THSD7B: variants seen among roughly 807,000 people sequenced by gnomAD.
THSD7B encodes thrombospondin type 1 domain containing 7B.
A neutral mutation model predicts 213.6 loss-of-function variants in THSD7B; 138 were observed. The observed-to-expected ratio is 0.65, with a 90% CI of 0.56 to 0.74. The LOEUF is 0.74. Among genes scored for constraint, THSD7B ranks in the 30% least tolerant of loss-of-function variants. The pLI, the probability that THSD7B is intolerant of heterozygous loss-of-function variation, is 0.00. For missense variants in THSD7B, 1,931 were observed against 1,991.5 expected, an observed-to-expected ratio of 0.97 and a Z score of 0.58; for synonymous variants, 742 against 687.0, an observed-to-expected ratio of 1.08 and a Z score of -1.25.
chr2:136,984,650 G>A (rs966631278), intron 2 of THSD7B, among the ~76,000 whole-genome samples: 11 of 152,148 alleles, frequency 7.2e-5, no homozygotes, highest in African/African-American at 2.7e-4. Flanking sequence ...CACAAAGAAT[G>A]GCCTAATAGA....
At chr2:137,600,246 G>C (rs1412940041) in intron 17 of THSD7B, among the ~76,000 whole-genome samples, 3 of 152,108 alleles carry the variant, frequency 2.0e-5, no homozygotes, top group African/African-American at 4.8e-5. Flanking sequence ...TGAGCATTCA[G>C]CTTTGGAAAC....
chr2:137,560,695 A>G (rs922570367), intron 15 of THSD7B, among the ~76,000 whole-genome samples: 27 of 152,104 alleles, frequency 1.8e-4, no homozygotes, highest in Admixed American at 1.2e-3. Flanking sequence ...CATGTACCCT[A>G]GAACTTAAGG....
intron 15 of THSD7B, among the ~76,000 whole-genome samples, chr2:137,493,595 G>A (rs781567336): frequency 1.3e-5 from 2 of 152,140 alleles, no homozygotes; most frequent in Admixed American, 6.5e-5. Context: ...AATGCCTGGT[G>A]GTAAAGGTTA....
At chr2:137,184,656 G>A (rs995289689) in intron 7 of THSD7B, among the ~76,000 whole-genome samples, 3 of 151,992 alleles carry the variant, frequency 2.0e-5, no homozygotes, top group African/African-American at 7.2e-5. Context: ...TGTCTATATT[G>A]TCTATATGTC....
At chr2:137,086,727 G>A (rs909479803) in intron 3 of THSD7B, among the ~76,000 whole-genome samples, 2 of 152,200 alleles carry the variant, frequency 1.3e-5, no homozygotes, top group Non-Finnish European at 2.9e-5. Context: ...AGTCATTAAT[G>A]ATGTGAGAGG....
intron 2 of THSD7B, among the ~76,000 whole-genome samples, chr2:137,000,820 AT>A (rs1685986357): frequency 6.6e-6 from 1 of 152,036 alleles, no homozygotes; most frequent in East Asian, 1.9e-4. Context: ...AGATGTTTTT[AT>A]TTTATTTTTT....
intron 12 of THSD7B, among the ~76,000 whole-genome samples, chr2:137,301,875 A>G (rs1035302316): frequency 2.6e-5 from 4 of 152,116 alleles, no homozygotes; most frequent in Non-Finnish European, 5.9e-5. Context: ...ATTTTTACTC[A>G]GTGAAATGGA....
intron 2 of THSD7B, among the ~76,000 whole-genome samples, chr2:136,982,781 T>A (rs758478715): frequency 2.0e-5 from 3 of 152,208 alleles, no homozygotes; most frequent in Non-Finnish European, 2.9e-5. Context: ...TTTCAGACTT[T>A]TGATTAAGGC....
intron 15 of THSD7B, among the ~76,000 whole-genome samples, chr2:137,511,069 A>G (rs1679953474): frequency 1.3e-5 from 2 of 152,168 alleles, no homozygotes; most frequent in Admixed American, 1.3e-4. Flanking sequence ...GGAATGCTTA[A>G]TAGTGTGTCA....
At chr2:137,310,718 C>T (rs1384826009) in intron 12 of THSD7B, among the ~76,000 whole-genome samples, 7 of 152,082 alleles carry the variant, frequency 4.6e-5, no homozygotes, top group Admixed American at 2.6e-4. Flanking sequence ...CAGCTTTCTA[C>T]ATATGGCTAG....
intron 1 of THSD7B, among the ~76,000 whole-genome samples, chr2:136,784,569 G>GAAGT (rs57771573): frequency 0.72 from 108,670 of 151,694 alleles, 39,263 homozygotes; most frequent in East Asian, 0.98. Flanking sequence ...CTTCATGAAG[G>GAAGT]ATTATAAAAT....
chr2:137,411,780 G>T lies in THSD7B; in HGVS notation c.2867G>T (p.Ser956Ile). 1 of 1,613,950 alleles carries T rather than the reference G, an allele frequency of 6.2e-7. No homozygotes were observed. Among genetic ancestry groups the T allele is most frequent in the South Asian group, 1.1e-5 (1 of 91,088 alleles). Residue 956 changes from serine (S) to isoleucine (I), a missense_variant, in exon 14 of 28, where the codon AGC (serine) becomes ATC (isoleucine). Ser to Ile is a moderately radical substitution (Grantham distance 142, BLOSUM62 -2). Coordinates refer to ENST00000409968, the MANE Select transcript of THSD7B (RefSeq NM_001316349.2). ...PHRGLRVQAD[S>I]KECGEGLRFR... ...CGAGGACTGCGGGTACAAGCAGACAGCAAAGAATGTGGAGAAGGCCTGCGC... is the reference window on the plus strand; with the variant it reads ...CGAGGACTGCGGGTACAAGCAGACATCAAAGAATGTGGAGAAGGCCTGCGC...
rs80150345 is a variant in THSD7B at position 137,348,703 on chromosome 2, C to CTTTTTTTTTTTTTTTTTTTTT, written c.2501-56909_2501-56889dup. The stretch of plus-strand genomic sequence containing the variant: ...TTCTTTATCCTATCTCTATGAACTC[C>CTTTTTTTTTTTTTTTTTTTTT]TTTTTTTTTTTTTTTTTTTTTGTTC... On this transcript the variant is annotated intron_variant, in intron 12 of 27. Coordinates refer to ENST00000409968, the MANE Select transcript of THSD7B (RefSeq NM_001316349.2). 1.3e-4 allele frequency among the ~76,000 whole-genome samples: 14 copies of CTTTTTTTTTTTTTTTTTTTTT among 110,904 alleles called. 1 individual carries two copies. The highest frequency in any genetic ancestry group is 2.2e-4 in the Non-Finnish European group (12 of 54,462). The allele number at this position is 110,904 out of a possible 152,430, so 72.8% of individuals were successfully genotyped here.
chr2:137,035,359 A>C (rs781508746), intron 2 of THSD7B, among the ~76,000 whole-genome samples: 10 of 152,150 alleles, frequency 6.6e-5, no homozygotes, highest in Non-Finnish European at 1.3e-4. Context: ...TCCTTTTTGC[A>C]ATGCAGTTTT....
intron 15 of THSD7B, chr2:137,512,066 A>T (rs559490979): frequency 7.2e-5 from 11 of 152,068 alleles, no homozygotes; most frequent in African/African-American, 2.4e-4. Flanking sequence ...CCTGCCTTTT[A>T]TCTTCTTTTG....
chr2:137,148,830 G>T (rs1202562103), intron 5 of THSD7B, among the ~76,000 whole-genome samples: 1 of 152,182 alleles, frequency 6.6e-6, no homozygotes, highest in Non-Finnish European at 1.5e-5. Flanking sequence ...TGGAAAACTT[G>T]CAGCCTGACG....
At chr2:137,298,667 C>T (rs1400329103) in intron 12 of THSD7B, among the ~76,000 whole-genome samples, 1 of 152,172 alleles carries the variant, frequency 6.6e-6, no homozygotes, top group Non-Finnish European at 1.5e-5. Flanking sequence ...GTCCCAGCCA[C>T]TCCAGTCATG....
chr2:137,365,085 C>G (rs180881414), intron 12 of THSD7B, among the ~76,000 whole-genome samples: 1 of 152,134 alleles, frequency 6.6e-6, no homozygotes, highest in African/African-American at 2.4e-5. Context: ...GAAATAACAC[C>G]ACACACCTAC....
Position 137,428,102 on chromosome 2 carries a change from CAAAT to C in THSD7B, c.2959+16234_2959+16237del, listed in dbSNP as rs558518588. ...TATATAAATAATTCTTACAAGACAA[CAAAT>C]AAAAGGTATTTGTCCTTTTATTCTT... On this transcript the variant is annotated intron_variant, in intron 14 of 27. Transcript: ENST00000409968. Among the ~76,000 whole-genome samples, 24 of 152,054 alleles carry C rather than the reference CAAAT, an allele frequency of 1.6e-4. No individual in the cohort carries two copies. The South Asian group carries it at 3.1e-3, about 20-fold the overall frequency.
Sources: gnomAD v4.1 joint callset for allele counts (sites outside exome capture counted in the v4.1 genomes callset) on GRCh38, gnomAD v4.1.1 for gene constraint, MANE v1.5 for transcripts, NCBI Gene and HGNC (gene_info 2026-07-23, HGNC 2026-07-21) for gene names.